VWA3B: variants seen among roughly 807,000 people sequenced by gnomAD.
VWA3B encodes the protein von Willebrand factor A domain-containing protein 3B.
A neutral mutation model predicts 158.3 loss-of-function variants in VWA3B; 138 were observed. That is an observed-to-expected ratio of 0.87 (90% confidence interval 0.76 to 1.00). The LOEUF (loss-of-function observed/expected upper bound fraction) is 1.00, where lower values mean the gene tolerates loss of function less well. Among genes scored for constraint, VWA3B ranks in the 50% least tolerant of loss-of-function variants. VWA3B has a pLI of 0.00. For synonymous variants in VWA3B, 596 were observed against 587.3 expected (o/e 1.01, Z -0.21); for missense variants, 1,555 against 1,565.1 (o/e 0.99, Z 0.11).
Position 98,101,977 on chromosome 2 carries a change from C to A in VWA3B, c.196+8689C>A, listed in dbSNP as rs181590202. 1.6e-4 allele frequency among the ~76,000 whole-genome samples: 25 copies of A among 152,094 alleles called. No homozygotes were observed. In the East Asian group the frequency reaches 4.6e-3, roughly 28 times the overall value. On this transcript the variant is annotated intron_variant, in intron 2 of 27. Coordinates refer to ENST00000477737, the MANE Select transcript of VWA3B (RefSeq NM_144992.5). ...TGGAGAGAAGGTCAGCAGATAAACA[C>A]GTGAACAAAGGTCTCTGGTTTTCCT...
At chr2:98,325,638 A>G in the VWA3B span, among the ~76,000 whole-genome samples, 4 of 152,126 alleles carry the variant, frequency 2.6e-5, no homozygotes, top group Non-Finnish European at 4.4e-5. Flanking sequence ...ATTTTCAAAT[A>G]TTTTTCTGTG....
intron 20 of VWA3B, among the ~76,000 whole-genome samples, chr2:98,255,013 T>C (rs1202845647): frequency 6.6e-6 from 1 of 151,154 alleles, no homozygotes; most frequent in Admixed American, 6.6e-5. Context: ...TTTTTTGTTT[T>C]TGTTTTTTGT....
In VWA3B at chr2:98,187,664, C is replaced by CTGTGTGTGTG. The variant is rs3066239; in HGVS notation, c.1312-281_1312-272dup. Among the ~76,000 whole-genome samples, 221 of 141,794 alleles carry CTGTGTGTGTG rather than the reference C, an allele frequency of 1.6e-3. 1 individual carries two copies. Among genetic ancestry groups the CTGTGTGTGTG allele is most frequent in the African/African-American group, 3.8e-3 (140 of 37,050 alleles). The allele number at this position is 141,794 out of a possible 152,430, so 93.0% of individuals were successfully genotyped here. On this transcript the variant is annotated intron_variant, in intron 9 of 27. Coordinates refer to ENST00000477737, the MANE Select transcript of VWA3B (RefSeq NM_144992.5). The stretch of plus-strand genomic sequence containing the variant: ...TCCCTCTCCCTCTCCGTCTCTGTGT[C>CTGTGTGTGTG]TGTGTGTGTGTGTGTGTGTGTGTGT...
At chr2:98,238,923 A>G (rs927918191) in intron 19 of VWA3B, among the ~76,000 whole-genome samples, 1 of 152,192 alleles carries the variant, frequency 6.6e-6, no homozygotes, top group Non-Finnish European at 1.5e-5. Context: ...TCAAACTCAT[A>G]TACAAAAATA....
At chr2:98,275,460 C>A (rs1395877575) in intron 22 of VWA3B, among the ~76,000 whole-genome samples, 2 of 150,236 alleles carry the variant, frequency 1.3e-5, no homozygotes, top group African/African-American at 5.0e-5. Flanking sequence ...GGATGAGGCC[C>A]GGGGTAGAGA....
At chr2:98,119,336 G>A (rs1251464901) in intron 3 of VWA3B, among the ~76,000 whole-genome samples, 177 bp from the exon 4 acceptor site, 2 of 151,698 alleles carry the variant, frequency 1.3e-5, no homozygotes, top group Non-Finnish European at 1.5e-5. Flanking sequence ...CTTTTCTTCT[G>A]TGGAGAATCC....
rs1676935111 is a variant in VWA3B at position 98,143,421 on chromosome 2, T to C, written c.988+9482T>C. On this transcript the variant is annotated intron_variant, in intron 7 of 27. Coordinates refer to ENST00000477737, the MANE Select transcript of VWA3B (RefSeq NM_144992.5). ...ACTGTAGCTACTAGAAAATTTAAAG[T>C]TATATATGTGGTTCACATCGTATGT... Among the ~76,000 whole-genome samples the C allele has an allele frequency of 2.0e-5, 3 of 152,214 alleles. 1 individual carries two copies. The South Asian group carries it at 6.2e-4, about 32-fold the overall frequency.
At chr2:98,182,319 C>T (rs984592253) in intron 9 of VWA3B, among the ~76,000 whole-genome samples, 2 of 152,194 alleles carry the variant, frequency 1.3e-5, no homozygotes, top group African/African-American at 2.4e-5. Flanking sequence ...GCTGGCCGGC[C>T]ACTGAGCCCT....
At chr2:98,169,975 G>A (rs374820610) in intron 8 of VWA3B, among the ~76,000 whole-genome samples, 1 of 152,004 alleles carries the variant, frequency 6.6e-6, no homozygotes, top group Non-Finnish European at 1.5e-5. Context: ...GTGAAAATTA[G>A]CCAGGCATGA....
chr2:98,093,697 A>T (rs1261993278), intron 2 of VWA3B, among the ~76,000 whole-genome samples: 1 of 152,178 alleles, frequency 6.6e-6, no homozygotes, highest in Non-Finnish European at 1.5e-5. Context: ...AATGCAATCC[A>T]TCATCATTAA....
At chr2:98,245,874 T>A (rs920697951) in intron 19 of VWA3B, among the ~76,000 whole-genome samples, 1 of 152,182 alleles carries the variant, frequency 6.6e-6, no homozygotes, top group Non-Finnish European at 1.5e-5. Context: ...TTTATTTTTT[T>A]AAAATTTCTA....
chr2:98,226,433 G>A (rs2105669395), intron 14 of VWA3B, among the ~76,000 whole-genome samples: 1 of 152,320 alleles, frequency 6.6e-6, no homozygotes, highest in South Asian at 2.1e-4. Context: ...AAAATGGAGT[G>A]TGGACTTAAA....
intron 6 of VWA3B, among the ~76,000 whole-genome samples, chr2:98,129,258 TGGAGAGAGAGG>T (rs1675649005): frequency 1.5e-5 from 2 of 135,236 alleles, no homozygotes; most frequent in Admixed American, 7.2e-5. Flanking sequence ...TGTGTGTGTG[TGGAGAGAGAGG>T]GAGGAGAGAG....
At chr2:98,182,278 G>A (rs1268331612) in intron 9 of VWA3B, among the ~76,000 whole-genome samples, 2 of 152,150 alleles carry the variant, frequency 1.3e-5, no homozygotes, top group Non-Finnish European at 1.5e-5. Flanking sequence ...AGCAGAGGGG[G>A]AACTCCAGTC....
At chr2:98,133,973 T>C in intron 7 of VWA3B, 34 bp downstream of exon 7, 1 of 1,576,830 alleles carries the variant, frequency 6.3e-7, no homozygotes, top group Non-Finnish European at 8.7e-7. Context: ...GTGTAGCTTA[T>C]GTCCCGAATA....
At chr2:98,263,445 T>A (rs1196455430) in intron 21 of VWA3B, among the ~76,000 whole-genome samples, 10 of 151,940 alleles carry the variant, frequency 6.6e-5, no homozygotes, top group Non-Finnish European at 7.4e-5. Flanking sequence ...AGTGTTTTTA[T>A]CATGAAAGGA....
intron 13 of VWA3B, chr2:98,217,082 T>C (rs1684089963): frequency 2.4e-6 from 2 of 838,424 alleles, no homozygotes; most frequent in Non-Finnish European, 3.3e-6. Context: ...AGGGTGGGGG[T>C]TCCCCTCAAT....
intron 13 of VWA3B, 93 bp from the exon 14 acceptor site, chr2:98,217,753 A>G: frequency 8.6e-7 from 1 of 1,159,722 alleles, no homozygotes; most frequent in Non-Finnish European, 1.2e-6. Context: ...TTACTATTTG[A>G]GTATCTGTAG....
intron 5 of VWA3B, among the ~76,000 whole-genome samples, chr2:98,122,853 T>C (rs1282087253): frequency 1.3e-5 from 2 of 152,178 alleles, no homozygotes; most frequent in Non-Finnish European, 2.9e-5. Context: ...GGAAGTCCTA[T>C]GGAAGAAAAG....
Sources: gnomAD v4.1 joint callset for allele counts (sites outside exome capture counted in the v4.1 genomes callset) on GRCh38, gnomAD v4.1.1 for gene constraint, MANE v1.5 for transcripts, NCBI Gene and HGNC (gene_info 2026-07-23, HGNC 2026-07-21) for gene names.